GSG1L: variants seen among roughly 807,000 people sequenced by gnomAD.
GSG1L encodes the protein GSG1 like, also known as germ cell-specific gene 1-like protein.
In GSG1L, 24 loss-of-function variants were observed where a neutral mutation model predicts 42.1. The observed-to-expected ratio is 0.57, with a 90% CI of 0.41 to 0.80. GSG1L has a LOEUF of 0.80. Among genes scored for constraint, GSG1L ranks in the 30% least tolerant of loss-of-function variants. The pLI is 0.00. For missense variants in GSG1L, 445 were observed against 472.2 expected (o/e 0.94, Z 0.53); for synonymous variants, 215 against 203.5 (o/e 1.06, Z -0.48).
chr16:27,991,648 A>G (rs1009754623), intron 1 of GSG1L, among the ~76,000 whole-genome samples: 1 of 150,448 alleles, frequency 6.6e-6, no homozygotes, highest in East Asian at 2.0e-4. Context: ...CAGGTGATCC[A>G]CCCGCCTCAG....
chr16:27,946,647 G>GA (rs1480385258), intron 2 of GSG1L, among the ~76,000 whole-genome samples: 1 of 21,342 alleles, frequency 4.7e-5, no homozygotes, highest in Non-Finnish European at 9.3e-5. Context: ...AAGAAAGAAA[G>GA]AAAGAAAGAA....
intron 3 of GSG1L, among the ~76,000 whole-genome samples, chr16:27,857,926 G>A (rs1172343461): frequency 1.3e-5 from 2 of 151,920 alleles, no homozygotes; most frequent in East Asian, 3.9e-4. Flanking sequence ...CACCTGTGAC[G>A]GGTCTACACC....
intron 3 of GSG1L, among the ~76,000 whole-genome samples, chr16:27,855,834 T>C (rs372825408): frequency 7.2e-5 from 11 of 151,846 alleles, no homozygotes; most frequent in Admixed American, 3.9e-4. Flanking sequence ...TCAAGGGTCA[T>C]GAGTCAGGGC....
chr16:27,999,740 G>T (rs1459011426), intron 1 of GSG1L, among the ~76,000 whole-genome samples: 1 of 152,148 alleles, frequency 6.6e-6, no homozygotes, highest in Admixed American at 6.5e-5. Flanking sequence ...AATCTTAAAG[G>T]TTCTTTCTTA....
chr16:28,034,094 C>T (rs563523390), intron 1 of GSG1L, among the ~76,000 whole-genome samples: 20 of 152,098 alleles, frequency 1.3e-4, no homozygotes, highest in African/African-American at 4.1e-4. Context: ...TGTCCCAACC[C>T]ATCCTATCCC....
intron 1 of GSG1L, among the ~76,000 whole-genome samples, chr16:28,019,103 G>A (rs1206184558): frequency 6.6e-6 from 1 of 152,158 alleles, no homozygotes; most frequent in African/African-American, 2.4e-5. Context: ...CTTGAATAAG[G>A]CCTGGGTAAA....
chr16:27,850,732 G>A (rs1596555274), intron 3 of GSG1L: 1 of 347,472 alleles, frequency 2.9e-6, no homozygotes, highest in Admixed American at 3.8e-5. Flanking sequence ...GAGGGCCTGG[G>A]GCTCAGGAAG....
intron 1 of GSG1L, among the ~76,000 whole-genome samples, chr16:28,053,629 C>T (rs576331472): frequency 6.6e-6 from 1 of 152,350 alleles, no homozygotes; most frequent in East Asian, 1.9e-4. Flanking sequence ...ACGTGTGCTG[C>T]TACCGCCTCC....
rs781738343 is a variant in GSG1L at position 27,936,651 on chromosome 16, CACAA to C, written c.397+26501_397+26504del. On this transcript the variant is annotated intron_variant, in intron 2 of 6. Coordinates refer to ENST00000447459, the MANE Select transcript of GSG1L (RefSeq NM_001109763.2). ...AGACACAGGTATTCCTTTACAGCAA[CACAA>C]ACAGACGTAGATGCCCAACTTGCAA... is the stretch of plus-strand genomic sequence containing the variant. Among the ~76,000 whole-genome samples, 6 of 152,308 alleles carry C rather than the reference CACAA, an allele frequency of 3.9e-5. No individual in the cohort carries two copies. The East Asian group carries it at 9.6e-4, about 24-fold the overall frequency.
chr16:27,907,203 G>A (rs565410697), intron 2 of GSG1L, among the ~76,000 whole-genome samples: 1 of 152,286 alleles, frequency 6.6e-6, no homozygotes, highest in South Asian at 2.1e-4. Flanking sequence ...TGGAGCTGCC[G>A]GGAGCACCTC....
At chr16:28,046,521 T>C (rs1032989844) in intron 1 of GSG1L, among the ~76,000 whole-genome samples, 20 of 151,920 alleles carry the variant, frequency 1.3e-4, no homozygotes, top group Admixed American at 1.0e-3. Context: ...GCCTGGCTAA[T>C]TTTTTGTATT....
At chr16:27,886,439 CAAAAAATA>C (rs1198733928) in intron 2 of GSG1L, among the ~76,000 whole-genome samples, 4 of 151,982 alleles carry the variant, frequency 2.6e-5, no homozygotes, top group Non-Finnish European at 5.9e-5. Flanking sequence ...GACTCCGTCT[CAAAAAATA>C]AAAAAATAAA....
chr16:27,936,579 C>T (rs1169564777), intron 2 of GSG1L, among the ~76,000 whole-genome samples: 1 of 152,162 alleles, frequency 6.6e-6, no homozygotes, highest in Non-Finnish European at 1.5e-5. Context: ...CTCGTACAGC[C>T]TGCAGAACCA....
In GSG1L at chr16:27,827,347, C is replaced by G. The variant is rs908452091; in HGVS notation, c.830+1442G>C. On this transcript the variant is annotated intron_variant, in intron 5 of 6. Transcript: ENST00000447459. ...GATTGGGATAGGCCTGGGAGGCAGA[C>G]AGAGCTCAGAGAGAGTAACAGCCTG... is the stretch of plus-strand genomic sequence containing the variant. 1.4e-4 allele frequency among the ~76,000 whole-genome samples: 22 copies of G among 152,218 alleles called. 1 individual carries two copies. The highest frequency in any genetic ancestry group is 1.4e-3 in the Admixed American group (21 of 15,282).
intron 5 of GSG1L, among the ~76,000 whole-genome samples, chr16:27,827,862 CCA>C: frequency 3.2e-5 from 2 of 61,826 alleles, no homozygotes; most frequent in East Asian, 6.0e-4. Context: ...ACCATTCCAT[CCA>C]TCCATCCATC....
chr16:27,822,723 T>C (rs2083163493), intron 5 of GSG1L, among the ~76,000 whole-genome samples: 1 of 152,166 alleles, frequency 6.6e-6, no homozygotes, highest in Non-Finnish European at 1.5e-5. Context: ...TGGCCTAATA[T>C]TGTTAATAAT....
intron 2 of GSG1L, among the ~76,000 whole-genome samples, chr16:27,916,224 C>T (rs1346555424): frequency 6.6e-6 from 1 of 152,178 alleles, no homozygotes; most frequent in African/African-American, 2.4e-5. Flanking sequence ...AGACCACACC[C>T]CTTCCATGCC....
At chr16:28,018,807 G>A (rs1351554963) in intron 1 of GSG1L, among the ~76,000 whole-genome samples, 1 of 152,064 alleles carries the variant, frequency 6.6e-6, no homozygotes, top group Admixed American at 6.6e-5. Flanking sequence ...CCCACATGAA[G>A]TGCTGAGACA....
intron 1 of GSG1L, among the ~76,000 whole-genome samples, chr16:27,988,170 C>T (rs1027374029): frequency 3.9e-5 from 6 of 151,948 alleles, no homozygotes; most frequent in Middle Eastern, 3.4e-3. Context: ...ATTAAGGAAA[C>T]ATCTTTCTGA....
Sources: gnomAD v4.1 joint callset for allele counts (sites outside exome capture counted in the v4.1 genomes callset) on GRCh38, gnomAD v4.1.1 for gene constraint, MANE v1.5 for transcripts, NCBI Gene and HGNC (gene_info 2026-07-23, HGNC 2026-07-21) for gene names.